NCKAP5: variants seen among roughly 807,000 people sequenced by gnomAD.
The protein encoded by NCKAP5 is NCK associated protein 5.
In NCKAP5, 92 loss-of-function variants were observed where a neutral mutation model predicts 167.0. The observed-to-expected ratio is 0.55, with a 90% CI of 0.47 to 0.66. The LOEUF (loss-of-function observed/expected upper bound fraction) is 0.66. Among genes scored for constraint, NCKAP5 ranks in the 30% least tolerant of loss-of-function variants. NCKAP5 has a pLI of 0.00. For synonymous variants in NCKAP5, 891 were observed against 877.4 expected, an observed-to-expected ratio of 1.02 and a Z score of -0.27; for missense variants, 2,378 against 2,315.0, an observed-to-expected ratio of 1.03 and a Z score of -0.56.
the NCKAP5 span, among the ~76,000 whole-genome samples, chr2:133,582,160 G>A: frequency 6.6e-6 from 1 of 152,176 alleles, no homozygotes; most frequent in Non-Finnish European, 1.5e-5. Context: ...GGATTCTATA[G>A]ACCAGTGGTT....
chr2:133,560,157 G>A (rs981725844), intron 1 of NCKAP5, among the ~76,000 whole-genome samples: 6 of 152,208 alleles, frequency 3.9e-5, no homozygotes, highest in Non-Finnish European at 7.3e-5. Flanking sequence ...TTGACTGCAT[G>A]AGATTTGAAT....
At chr2:133,217,861 T>C (rs937042781) in intron 4 of NCKAP5, among the ~76,000 whole-genome samples, 5 of 152,074 alleles carry the variant, frequency 3.3e-5, no homozygotes, top group Non-Finnish European at 7.4e-5. Context: ...CCACAGGGTA[T>C]CCTCTGGTTC....
At chr2:132,727,821 G>A (rs1690609040) in intron 18 of NCKAP5, among the ~76,000 whole-genome samples, 2 of 152,206 alleles carry the variant, frequency 1.3e-5, no homozygotes, top group African/African-American at 4.8e-5. Context: ...TGTGGGCCCA[G>A]AGGATCTGCT....
intron 16 of NCKAP5, among the ~76,000 whole-genome samples, chr2:132,750,020 T>C (rs1679980908): frequency 6.6e-6 from 1 of 152,174 alleles, no homozygotes; most frequent in African/African-American, 2.4e-5. Flanking sequence ...ATACAGAAAC[T>C]GACGCAAAGG....
intron 9 of NCKAP5, among the ~76,000 whole-genome samples, chr2:132,876,689 C>T (rs943694172): frequency 3.3e-5 from 5 of 152,208 alleles, no homozygotes; most frequent in African/African-American, 4.8e-5. Context: ...TGCTTAGAGG[C>T]AGTTCTTTGT....
At position 132,784,879 on chromosome 2, in the gene NCKAP5, A is replaced by G. The variant is rs369994467; in HGVS notation, c.1932T>C (p.Thr644=). The G allele has an allele frequency of 6.4e-7, 1 of 1,561,218 alleles. No homozygotes were observed. The highest frequency in any genetic ancestry group is 8.7e-7 in the Non-Finnish European group (1 of 1,155,008). The change falls in exon 14 of 20, where the codon ACT becomes ACC. Residue 644 remains threonine (T), a synonymous_variant. Coordinates refer to ENST00000409261, the MANE Select transcript of NCKAP5 (RefSeq NM_207363.3). ...TAATGAAACTAAAAGTCTTTGGCCT[A>G]GTCTCTGAAGGGATGGGCACTTGTT... The part of the protein sequence containing the change: ...EEKQVPIPSE[T]RPKTFSFIKQ...
chr2:133,463,002 T>C (rs1692300006), intron 3 of NCKAP5, among the ~76,000 whole-genome samples: 1 of 152,222 alleles, frequency 6.6e-6, no homozygotes, highest in African/African-American at 2.4e-5. Flanking sequence ...GCGTTTTATG[T>C]GAACTCTGGA....
chr2:133,550,315 T>C (rs1687174403), intron 2 of NCKAP5, among the ~76,000 whole-genome samples: 1 of 149,032 alleles, frequency 6.7e-6, no homozygotes, highest in African/African-American at 2.5e-5. Context: ...TTTAGACCAA[T>C]ATCCTTGATG....
chr2:133,187,110 A>ATCAT (rs1232138349), intron 5 of NCKAP5, among the ~76,000 whole-genome samples: 2 of 151,968 alleles, frequency 1.3e-5, no homozygotes, highest in African/African-American at 4.8e-5. Flanking sequence ...CTTTCCTCTT[A>ATCAT]TCATTGCTTT....
intron 5 of NCKAP5, among the ~76,000 whole-genome samples, chr2:133,196,171 G>A (rs544396567): frequency 6.6e-6 from 1 of 152,170 alleles, no homozygotes; most frequent in African/African-American, 2.4e-5. Context: ...CCAATGTTTT[G>A]CCATGGACCT....
intron 15 of NCKAP5, 66 bp downstream of exon 15, chr2:132,780,986 G>A: frequency 6.7e-7 from 1 of 1,500,006 alleles, no homozygotes; most frequent in Non-Finnish European, 9.0e-7. Flanking sequence ...TTAGCAAACG[G>A]TAGAAAGACC....
intron 19 of NCKAP5, among the ~76,000 whole-genome samples, chr2:132,698,560 A>C (rs1462552794): frequency 1.3e-5 from 2 of 152,110 alleles, no homozygotes; most frequent in African/African-American, 2.4e-5. Context: ...TGTGGCCGGG[A>C]GCTGTGGCTC....
rs1253176006 is a variant in NCKAP5 at position 132,782,401 on chromosome 2, G to A, written c.4410C>T (p.Pro1470=). The A allele has an allele frequency of 1.2e-6, 2 of 1,614,032 alleles. No individual in the cohort carries two copies. Among genetic ancestry groups the A allele is most frequent in the South Asian group, 1.1e-5 (1 of 91,076 alleles). ...DAVSSEAPLS[P]TIEEKVMLCI... Reference sequence around the variant, plus strand: ...ACAACATGACCTTTTCTTCGATTGTGGGTGAGAGGGGGGCTTCTGAACTCA... The same window carrying A: ...ACAACATGACCTTTTCTTCGATTGTAGGTGAGAGGGGGGCTTCTGAACTCA... The change falls in exon 14 of 20, where the codon CCC becomes CCT. Residue 1470 remains proline (P), a synonymous_variant. Transcript: ENST00000409261.
At chr2:133,667,827 A>G in the NCKAP5 span, among the ~76,000 whole-genome samples, 4 of 151,970 alleles carry the variant, frequency 2.6e-5, no homozygotes, top group Admixed American at 6.6e-5. Flanking sequence ...CAAAGAGCAC[A>G]ATTCAGTAGG....
At chr2:132,951,913 A>C (rs989154294) in intron 8 of NCKAP5, among the ~76,000 whole-genome samples, 1 of 152,158 alleles carries the variant, frequency 6.6e-6, no homozygotes, top group Non-Finnish European at 1.5e-5. Context: ...TCACATCTAA[A>C]ACAACCCAGG....
intron 19 of NCKAP5, among the ~76,000 whole-genome samples, chr2:132,694,468 C>T (rs1056782961): frequency 9.1e-6 from 1 of 109,866 alleles, no homozygotes; most frequent in Admixed American, 9.8e-5. Flanking sequence ...GTACTTGGCC[C>T]AAAACTTTTA....
At chr2:132,874,341 C>T (rs1254089884) in intron 9 of NCKAP5, among the ~76,000 whole-genome samples, 1 of 152,074 alleles carries the variant, frequency 6.6e-6, no homozygotes, top group Non-Finnish European at 1.5e-5. Flanking sequence ...CACTCCTGAC[C>T]TTGTGATCCA....
chr2:133,257,484 CACTT>C (rs57604293), intron 4 of NCKAP5, among the ~76,000 whole-genome samples: 3,671 of 152,248 alleles, frequency 0.024, 137 homozygotes, highest in African/African-American at 0.083. Flanking sequence ...AAAACTAAGA[CACTT>C]ACGATAACTA....
chr2:133,587,346 G>A, the NCKAP5 span, among the ~76,000 whole-genome samples: 1 of 152,134 alleles, frequency 6.6e-6, no homozygotes, highest in Non-Finnish European at 1.5e-5. Context: ...CACTTACAGA[G>A]GTTGTGTCAG....
Sources: gnomAD v4.1 joint callset for allele counts (sites outside exome capture counted in the v4.1 genomes callset) on GRCh38, gnomAD v4.1.1 for gene constraint, MANE v1.5 for transcripts, NCBI Gene and HGNC (gene_info 2026-07-23, HGNC 2026-07-21) for gene names.